The following DAB1 variants were observed in gnomAD, a reference collection of about 807,000 sequenced individuals.
DAB1 encodes disabled homolog 1.
In DAB1, 15 loss-of-function variants were observed where a neutral mutation model predicts 64.6. The ratio of observed to expected loss-of-function variants is 0.23; its 90% CI spans 0.16 to 0.36. The LOEUF (loss-of-function observed/expected upper bound fraction) is 0.36. DAB1 is among the 10% of genes least tolerant of loss of function. The pLI is 1.00. For synonymous variants in DAB1, 235 were observed against 251.9 expected (o/e 0.93, Z 0.64); for missense variants, 596 against 706.7 (o/e 0.84, Z 1.78).
chr1:58,124,758 G>T (rs549915849), intron 5 of DAB1, among the ~76,000 whole-genome samples: 6 of 152,134 alleles, frequency 3.9e-5, no homozygotes, highest in Non-Finnish European at 8.8e-5. Context: ...TTGCATTTCT[G>T]AGCCTTATTT....
Position 57,553,428 on chromosome 1 carries a change from A to AAG in DAB1, n.625+96162_625+96163dup, listed in dbSNP as rs1558487121. 1.6e-3 allele frequency among the ~76,000 whole-genome samples: 26 copies of AAG among 16,322 alleles called. 2 individuals are homozygous for AAG. The highest frequency in any genetic ancestry group is 2.2e-3 in the Non-Finnish European group (3 of 1,352). The allele number at this position is 16,322 out of a possible 152,430, so 10.7% of individuals were successfully genotyped here. Reference sequence around the variant, plus strand: ...AAAGAAAGAAAGAAAGAAAGAAAGAAAGAAAGAAAGAAAGAGAAAGAAAGA... The same window carrying AAG: ...AAAGAAAGAAAGAAAGAAAGAAAGAAAGAGAAAGAAAGAAAGAGAAAGAAAGA... On this transcript the variant is annotated intron_variant and non_coding_transcript_variant, in intron 7 of 20. Transcript: ENST00000485760.
At chr1:58,537,233 G>C (rs1396651387) in intron 1 of DAB1, among the ~76,000 whole-genome samples, 1 of 152,098 alleles carries the variant, frequency 6.6e-6, no homozygotes, top group East Asian at 1.9e-4. Flanking sequence ...TGACCACTTA[G>C]CCACTTAATA....
rs145049244 is a variant in DAB1 at position 58,205,816 on chromosome 1, C to T, written n.310-55228G>A. The stretch of plus-strand genomic sequence containing the variant: ...TAGGTGTAAGGAACAGTCCTACCCT[C>T]AAGGCCCTGGAACCCTGTCTGATGC... On this transcript the variant is annotated intron_variant and non_coding_transcript_variant, in intron 4 of 20. Coordinates refer to the DAB1 transcript ENST00000485760. Among the ~76,000 whole-genome samples the T allele has an allele frequency of 1.6e-4, 24 of 152,312 alleles. No homozygotes were observed. The East Asian group carries it at 4.1e-3, about 26-fold the overall frequency.
intron 1 of DAB1, among the ~76,000 whole-genome samples, chr1:57,396,873 A>G (rs1682851898): frequency 6.6e-6 from 1 of 152,170 alleles, no homozygotes; most frequent in South Asian, 2.1e-4. Context: ...GATCTTTATT[A>G]TATAGAATGA....
In DAB1 at chr1:57,463,048, T is replaced by A. The variant is rs140970335; in HGVS notation, n.626-171882A>T. Among the ~76,000 whole-genome samples the A allele has an allele frequency of 4.1e-3, 627 of 152,276 alleles. 11 individuals carry two copies. The highest frequency in any genetic ancestry group is 0.014 in the African/African-American group (600 of 41,542). On this transcript the variant is annotated intron_variant and non_coding_transcript_variant, in intron 7 of 20. Transcript: ENST00000485760. ...ATAACAATATAATATATAAAATGAA[T>A]GTGTTTAGCAAACATAAAGGTAGCA...
At chr1:58,010,366 T>G (rs1557608297) in intron 5 of DAB1, among the ~76,000 whole-genome samples, 1 of 152,156 alleles carries the variant, frequency 6.6e-6, no homozygotes, top group Non-Finnish European at 1.5e-5. Flanking sequence ...ATTCCAAGAA[T>G]TCTCAGAGCA....
At chr1:57,285,050 TG>T (rs1672202826) in intron 2 of DAB1, among the ~76,000 whole-genome samples, 1 of 152,158 alleles carries the variant, frequency 6.6e-6, no homozygotes, top group Admixed American at 6.5e-5. Context: ...TCACTGTCAT[TG>T]TGGTTAATTG....
chr1:58,287,550 C>G (rs1661716308), intron 4 of DAB1, among the ~76,000 whole-genome samples: 1 of 150,220 alleles, frequency 6.7e-6, no homozygotes, highest in African/African-American at 2.4e-5. Flanking sequence ...GGGTCATCAA[C>G]TAGGCATATT....
chr1:57,372,702 C>T lies in DAB1; in HGVS notation c.-137+51228G>A, dbSNP rs1680597293. On this transcript the variant is annotated intron_variant, in intron 1 of 14. Transcript: ENST00000371236. ...AGAGCTTTTTAAAAATGCCATTTTG[C>T]TTTCAGAGTGCCTACATACACAATA... Among the ~76,000 whole-genome samples, 4 of 152,084 alleles carry T rather than the reference C, an allele frequency of 2.6e-5. No individual in the cohort carries two copies. The East Asian group carries it at 5.8e-4, about 22-fold the overall frequency.
chr1:57,393,577 T>A (rs1169918541), intron 1 of DAB1, among the ~76,000 whole-genome samples: 1 of 151,992 alleles, frequency 6.6e-6, no homozygotes, highest in Admixed American at 6.6e-5. Flanking sequence ...GCACCTGTAG[T>A]CCCAGTTTGA....
At position 57,381,411 on chromosome 1, in the gene DAB1, T is replaced by C. The variant is rs1397535636; in HGVS notation, c.-137+42519A>G. On this transcript the variant is annotated intron_variant, in intron 1 of 14. Coordinates refer to ENST00000371236, the MANE Select transcript of DAB1 (RefSeq NM_001365792.1). ...TCCACAGTATAAAGCATAAGGCTCTTGAGTATTTTTATATAGAAGATGTTG... is the reference window on the plus strand; with the variant it reads ...TCCACAGTATAAAGCATAAGGCTCTCGAGTATTTTTATATAGAAGATGTTG... Among the ~76,000 whole-genome samples the C allele has an allele frequency of 2.0e-5, 3 of 152,168 alleles. No individual in the cohort carries two copies. The East Asian group carries it at 5.8e-4, about 29-fold the overall frequency.
At chr1:57,117,120 C>T (rs1656208220) in intron 4 of DAB1, among the ~76,000 whole-genome samples, 1 of 152,152 alleles carries the variant, frequency 6.6e-6, no homozygotes, top group Non-Finnish European at 1.5e-5. Flanking sequence ...AATTAAGATA[C>T]AGAATTGGTG....
chr1:57,447,127 G>A (rs1008501715), intron 7 of DAB1, among the ~76,000 whole-genome samples: 2 of 152,184 alleles, frequency 1.3e-5, no homozygotes, highest in African/African-American at 4.8e-5. Flanking sequence ...GAAGATAACA[G>A]ATAGGTTTTG....
At chr1:57,762,112 T>C (rs1342508460) in intron 6 of DAB1, among the ~76,000 whole-genome samples, 1 of 152,160 alleles carries the variant, frequency 6.6e-6, no homozygotes, top group Non-Finnish European at 1.5e-5. Context: ...GATAGAAAAA[T>C]TCTATTTATA....
intron 5 of DAB1, among the ~76,000 whole-genome samples, chr1:58,034,537 A>T (rs1647016806): frequency 6.6e-6 from 1 of 152,194 alleles, no homozygotes; most frequent in South Asian, 2.1e-4. Context: ...ACAAATATAG[A>T]TGTTTCTCTA....
intron 5 of DAB1, among the ~76,000 whole-genome samples, chr1:58,081,442 G>A (rs1649991237): frequency 6.6e-6 from 1 of 152,208 alleles, no homozygotes. Flanking sequence ...CTATGCTGAT[G>A]GAGCAGCCAT....
At chr1:57,116,136 G>C (rs945829249) in intron 4 of DAB1, among the ~76,000 whole-genome samples, 1 of 152,092 alleles carries the variant, frequency 6.6e-6, no homozygotes, top group African/African-American at 2.4e-5. Context: ...TCTCATCTTG[G>C]CATGCTGAGC....
upstream of DAB1, among the ~76,000 whole-genome samples, chr1:57,425,422 C>A (rs1295449787): frequency 6.6e-6 from 1 of 151,966 alleles, no homozygotes; most frequent in Non-Finnish European, 1.5e-5. Context: ...AGGGTTGTTA[C>A]CTCCAGAGTC....
intron 4 of DAB1, among the ~76,000 whole-genome samples, chr1:57,130,159 G>A (rs1321334874): frequency 6.6e-6 from 1 of 151,862 alleles, no homozygotes; most frequent in Non-Finnish European, 1.5e-5. Flanking sequence ...TCTTAATTCT[G>A]CTTAGAGGAC....
Sources: allele counts gnomAD v4.1 joint callset (sites outside exome capture counted in the v4.1 genomes callset), GRCh38; gene constraint gnomAD v4.1.1; transcripts MANE v1.5; gene names NCBI Gene and HGNC (gene_info 2026-07-23, HGNC 2026-07-21).